The following AKAP9 variants were observed in gnomAD, a reference collection of about 807,000 sequenced individuals.
AKAP9 encodes A-kinase anchoring protein 9, also known as A-kinase anchor protein 9.
Under a neutral mutation model 488.5 loss-of-function variants are expected in AKAP9, and 311 were observed. The observed-to-expected ratio is 0.64, with a 90% CI of 0.58 to 0.70. The LOEUF (loss-of-function observed/expected upper bound fraction) is 0.70. Ranked by LOEUF, AKAP9 falls within the 30% of genes least tolerant of loss-of-function variation. AKAP9 has a pLI of 0.00. For synonymous variants in AKAP9, 1,462 were observed against 1,483.5 expected (o/e 0.99, Z 0.33); for missense variants, 4,215 against 4,374.5 (o/e 0.96, Z 1.03).
intron 2 of AKAP9, among the ~76,000 whole-genome samples, chr7:91,976,769 A>G (rs1366782212): frequency 1.3e-5 from 2 of 152,122 alleles, no homozygotes; most frequent in African/African-American, 4.8e-5. Flanking sequence ...TAGATCTACT[A>G]CTGAGTCCTT....
chr7:92,043,400 G>A lies in AKAP9; in HGVS notation c.5162+629G>A, dbSNP rs139629759. The A allele has an allele frequency of 4.4e-4, 378 of 862,060 alleles. 3 individuals are homozygous for A. The African/African-American group carries it at 6.5e-3, about 15-fold the overall frequency. 53.4% of individuals were successfully genotyped at this position (862,060 alleles called of 1,614,324 possible). ...AGTGTATGAAAATTAGAGTTACCACGGCAATATAAAATAAACACTTTGTTT... is the reference window on the plus strand; with the variant it reads ...AGTGTATGAAAATTAGAGTTACCACAGCAATATAAAATAAACACTTTGTTT... On this transcript the variant is annotated intron_variant, in intron 20 of 49. Transcript: ENST00000356239.
At chr7:92,087,874 TATAA>T (rs1001099077) in intron 37 of AKAP9, among the ~76,000 whole-genome samples, 4 of 150,700 alleles carry the variant, frequency 2.7e-5, no homozygotes, top group African/African-American at 9.7e-5. Flanking sequence ...ACCATACTGA[TATAA>T]ATAAATAAAT....
chr7:92,087,849 A>G (rs1207743502), intron 37 of AKAP9, among the ~76,000 whole-genome samples: 2 of 151,426 alleles, frequency 1.3e-5, no homozygotes, highest in Non-Finnish European at 2.9e-5. Context: ...AAAGAGTGAA[A>G]TAAGAACTCA....
At chr7:92,091,149 A>G (rs1270425371) in intron 38 of AKAP9, among the ~76,000 whole-genome samples, 1 of 152,218 alleles carries the variant, frequency 6.6e-6, no homozygotes, top group Non-Finnish European at 1.5e-5. Flanking sequence ...GGAAATCATT[A>G]GAAAGTAAAG....
At chr7:91,988,197 T>G (rs902948831) in intron 3 of AKAP9, among the ~76,000 whole-genome samples, 1 of 148,498 alleles carries the variant, frequency 6.7e-6, no homozygotes, top group Non-Finnish European at 1.5e-5. Context: ...TCACAAGATA[T>G]GTCATACTGT....
chr7:92,059,507 A>T (rs1809371918), intron 22 of AKAP9, among the ~76,000 whole-genome samples: 1 of 151,878 alleles, frequency 6.6e-6, no homozygotes, highest in African/African-American at 2.4e-5. Context: ...TAAATGGATT[A>T]TAAGGCTGAT....
chr7:92,015,045 A>G (rs1801315547), intron 10 of AKAP9, among the ~76,000 whole-genome samples: 1 of 152,220 alleles, frequency 6.6e-6, no homozygotes, highest in Non-Finnish European at 1.5e-5. Flanking sequence ...AGAAAACTGC[A>G]TCTTAGGGGC....
At chr7:92,057,749 T>G (rs998450167) in intron 22 of AKAP9, 1 of 222,764 alleles carries the variant, frequency 4.5e-6, no homozygotes, top group Non-Finnish European at 9.0e-6. Flanking sequence ...GAAGGCTTAC[T>G]TATTACTACA....
intron 16 of AKAP9, 62 bp downstream of exon 16, chr7:92,031,666 G>T (rs950638274): frequency 4.7e-6 from 6 of 1,277,564 alleles, no homozygotes; most frequent in Non-Finnish European, 6.8e-6. Context: ...CCTTCAAAAA[G>T]AACATAGATT....
intron 1 of AKAP9, among the ~76,000 whole-genome samples, chr7:91,958,121 T>A (rs1793283383): frequency 6.6e-6 from 1 of 152,214 alleles, no homozygotes; most frequent in African/African-American, 2.4e-5. Flanking sequence ...CTGACAGATG[T>A]CCATGGGAGC....
intron 19 of AKAP9, 31 bp from the exon 20 acceptor site, chr7:92,042,637 C>A: frequency 6.7e-7 from 1 of 1,495,008 alleles, no homozygotes; most frequent in Non-Finnish European, 9.3e-7. Context: ...TTTCTGTCTT[C>A]TCCTCTCTTC....
chr7:92,032,067 T>A (rs1804348630), intron 16 of AKAP9, among the ~76,000 whole-genome samples: 1 of 152,242 alleles, frequency 6.6e-6, no homozygotes, highest in South Asian at 2.1e-4. Flanking sequence ...ATGTGAGTTT[T>A]GCTCATCTCT....
chr7:91,995,769 T>A lies in AKAP9; in HGVS notation c.899T>A (p.Phe300Tyr). Residue 300 changes from phenylalanine to tyrosine, a missense_variant, in exon 7 of 50, where the codon TTC (phenylalanine) becomes TAC (tyrosine). Physicochemically the swap from Phe to Tyr is conservative, Grantham distance 22. This residue lies in a region of AKAP9 where 2,361 missense variants were observed against 2,430.0 expected (regional missense o/e 0.97). Transcript: ENST00000356239. Reference sequence around the variant, plus strand: ...GAAGACTTCACAATGCAAATTAGTTTCTTGCAAGAGAAAATTAAAGTATAT... The same window carrying A: ...GAAGACTTCACAATGCAAATTAGTTACTTGCAAGAGAAAATTAAAGTATAT... ...KKEDFTMQIS[F>Y]LQEKIKVYEM... The A allele has an allele frequency of 6.2e-7, 1 of 1,610,606 alleles. No individual in the cohort carries two copies. Among genetic ancestry groups the A allele is most frequent in the Non-Finnish European group, 8.5e-7 (1 of 1,177,086 alleles).
chr7:92,099,138 C>T (rs992931278), intron 43 of AKAP9, among the ~76,000 whole-genome samples: 2 of 152,188 alleles, frequency 1.3e-5, no homozygotes, highest in African/African-American at 4.8e-5. Flanking sequence ...CCCTTATCTG[C>T]ACATCTAGAC....
intron 28 of AKAP9, among the ~76,000 whole-genome samples, chr7:92,074,820 C>T (rs1195494693): frequency 1.3e-5 from 2 of 152,080 alleles, no homozygotes; most frequent in Non-Finnish European, 2.9e-5. Context: ...AATGAGAACA[C>T]ATGGACACAG....
At chr7:92,045,254 A>G (rs1334356370) in intron 21 of AKAP9, 41 bp downstream of exon 21, 1 of 1,579,480 alleles carries the variant, frequency 6.3e-7, no homozygotes, top group Admixed American at 1.7e-5. Flanking sequence ...ATTTCAACAA[A>G]TCTGCTGAGT....
At chr7:91,972,394 G>A (rs1017583198) in intron 1 of AKAP9, among the ~76,000 whole-genome samples, 10 of 152,182 alleles carry the variant, frequency 6.6e-5, no homozygotes, top group Non-Finnish European at 1.5e-4. Flanking sequence ...CAAGTTGATG[G>A]AGAAGCTGGT....
At chr7:92,043,853 GT>G (rs1806534604) in intron 20 of AKAP9, among the ~76,000 whole-genome samples, 1 of 152,136 alleles carries the variant, frequency 6.6e-6, no homozygotes, top group African/African-American at 2.4e-5. Context: ...AGCTCCTACA[GT>G]GTGAAGCTAA....
intron 12 of AKAP9, 61 bp from the exon 13 acceptor site, chr7:92,022,177 A>T (rs972083744): frequency 3.0e-6 from 4 of 1,327,262 alleles, no homozygotes; most frequent in Non-Finnish European, 4.4e-6. Context: ...GCTTTAATAC[A>T]GCTTTCTAAT....
Sources: gnomAD v4.1 joint callset for allele counts (sites outside exome capture counted in the v4.1 genomes callset) on GRCh38, gnomAD v4.1.1 for gene constraint, gnomAD v4.1.1 regional missense constraint, MANE v1.5 for transcripts, NCBI Gene and HGNC (gene_info 2026-07-23, HGNC 2026-07-21) for gene names.